NBN: variants seen among roughly 807,000 people sequenced by gnomAD.
The protein encoded by NBN is Nijmegen breakage syndrome 1 (nibrin).
A neutral mutation model predicts 90.8 loss-of-function variants in NBN; 88 were observed. The observed-to-expected ratio is 0.97, with a 90% confidence interval of 0.82 to 1.16. The LOEUF (loss-of-function observed/expected upper bound fraction) is 1.16, where lower values mean the gene tolerates loss of function less well. Among genes scored for constraint, NBN ranks in the 50% most tolerant of loss-of-function variants. The probability of loss-of-function intolerance (pLI) is 0.00; values close to 1 mark genes in which losing one functional copy is unlikely to be tolerated. For synonymous variants in NBN, 328 were observed against 295.1 expected, an observed-to-expected ratio of 1.11 and a Z score of -1.14; for missense variants, 894 against 869.6, an observed-to-expected ratio of 1.03 and a Z score of -0.35.
At chr8:89,944,606 C>G (rs1455309703) in intron 13 of NBN, among the ~76,000 whole-genome samples, 1 of 152,150 alleles carries the variant, frequency 6.6e-6, no homozygotes, top group Non-Finnish European at 1.5e-5. Flanking sequence ...CTTCCTGGTG[C>G]TGGGGCTCTG....
At position 89,953,964 on chromosome 8, in the gene NBN, C is replaced by T. The variant is rs781207952; in HGVS notation, c.1398-273G>A. Among the ~76,000 whole-genome samples, 4 of 152,086 alleles carry T rather than the reference C, an allele frequency of 2.6e-5. No homozygotes were observed. In the East Asian group the frequency reaches 5.8e-4, roughly 22 times the overall value. On this transcript the variant is annotated intron_variant, in intron 10 of 15. Transcript: ENST00000265433. Reference sequence around the variant, plus strand: ...TTAAGTTGCATTAGTTGATAAATTACAGGAAAAGGTAGAAAAATATAAAAA... The same window carrying T: ...TTAAGTTGCATTAGTTGATAAATTATAGGAAAAGGTAGAAAAATATAAAAA...
intron 11 of NBN, among the ~76,000 whole-genome samples, chr8:89,951,173 G>A (rs555754505): frequency 2.6e-5 from 4 of 151,904 alleles, no homozygotes; most frequent in Non-Finnish European, 4.4e-5. Context: ...TTAGCCAGGC[G>A]TGGTGGCGGG....
At chr8:89,978,353 T>C (rs373764513) in intron 4 of NBN, 30 bp from the exon 5 acceptor site, 15 of 1,558,094 alleles carry the variant, frequency 9.6e-6, no homozygotes, top group Admixed American at 3.4e-5. Flanking sequence ...TGAATATATA[T>C]ATTCACATGC....
chr8:89,983,550 C>T (rs892321852), intron 1 of NBN, among the ~76,000 whole-genome samples: 15 of 152,090 alleles, frequency 9.9e-5, no homozygotes, highest in Non-Finnish European at 1.9e-4. Context: ...ACAACACAGA[C>T]CAATGCAACA....
At chr8:89,978,365 A>G (rs777553336) in intron 4 of NBN, 42 bp from the exon 5 acceptor site, 97 of 1,526,174 alleles carry the variant, frequency 6.4e-5, no homozygotes, top group Non-Finnish European at 8.6e-5. Context: ...TTCACATGCT[A>G]GCATTTTTTA....
intron 4 of NBN, among the ~76,000 whole-genome samples, chr8:89,978,778 T>G (rs1289974743): frequency 6.6e-6 from 1 of 152,232 alleles, no homozygotes; most frequent in African/African-American, 2.4e-5. Flanking sequence ...ATTGTAACTA[T>G]GCAATAAAGC....
chr8:89,937,113 G>T (rs1446894021), intron 14 of NBN, 38 bp from the exon 15 acceptor site: 2 of 1,592,220 alleles, frequency 1.3e-6, no homozygotes, highest in South Asian at 2.2e-5. Context: ...TTTGCTCAGT[G>T]GTGAATATAT....
rs587780093 is a variant in NBN at position 89,943,288 on chromosome 8, T to C, written c.2149A>G (p.Thr717Ala). 2.5e-6 allele frequency: 4 copies of C among 1,613,802 alleles called. No homozygotes were observed. The South Asian group carries it at 4.4e-5, about 18-fold the overall frequency. The change falls in exon 14 of 16, where the codon ACA (threonine) becomes GCA (alanine). Residue 717 changes from threonine to alanine, a missense_variant. Physicochemically the swap from Thr to Ala is moderately conservative, Grantham distance 58. Coordinates refer to ENST00000265433, the MANE Select transcript of NBN (RefSeq NM_002485.5). ...TGCCTTAGCCACTCTTCTAGTTCTG[T>C]ATTCTTTCGAGCATGATGAGCTATT... ...DLIAHHARKNTELEEWLRQEM... is the reference protein window; with the variant it reads ...DLIAHHARKNAELEEWLRQEM...
At chr8:89,982,664 A>G (rs1040512574) in intron 2 of NBN, 58 bp downstream of exon 2, 7 of 1,420,474 alleles carry the variant, frequency 4.9e-6, no homozygotes, top group Non-Finnish European at 7.0e-6. Flanking sequence ...AACCAAGAGA[A>G]TATTTTGTGA....
At position 89,953,565 on chromosome 8, in the gene NBN, T is replaced by TA. The variant is rs1586054199; in HGVS notation, c.1523dup (p.Ser509IlefsTer2). The TA allele has an allele frequency of 6.2e-7, 1 of 1,613,856 alleles. No individual in the cohort carries two copies. Among genetic ancestry groups the TA allele is most frequent in the East Asian group, 2.2e-5 (1 of 44,858 alleles). On this transcript the variant is annotated frameshift_variant, in exon 11 of 16. Transcript: ENST00000265433. LOFTEE classifies it high-confidence loss of function. ...TTGTGTCCACAGGCTCATTCTCAGATAGATGCTGCTCCTTATTTTTCCACA... is the reference window on the plus strand; with the variant it reads ...TTGTGTCCACAGGCTCATTCTCAGATAAGATGCTGCTCCTTATTTTTCCACA...
At chr8:89,946,102 C>T (rs2130763310) in intron 13 of NBN, 38 bp downstream of exon 13, 1 of 1,465,162 alleles carries the variant, frequency 6.8e-7, no homozygotes, top group Non-Finnish European at 9.5e-7. Context: ...AAAAACATTT[C>T]AAACACTGAC....
chr8:89,980,069 T>G (rs887101404), intron 4 of NBN, among the ~76,000 whole-genome samples: 1 of 152,216 alleles, frequency 6.6e-6, no homozygotes, highest in African/African-American at 2.4e-5. Flanking sequence ...CACTGCTGAA[T>G]TTATAAAATC....
chr8:89,945,936 C>A (rs1810163309), intron 13 of NBN, among the ~76,000 whole-genome samples: 1 of 152,102 alleles, frequency 6.6e-6, no homozygotes, highest in South Asian at 2.1e-4. Flanking sequence ...AGAATTCAAT[C>A]TTGATGAAAT....
intron 7 of NBN, among the ~76,000 whole-genome samples, chr8:89,969,148 C>T (rs1811385564): frequency 2.6e-5 from 4 of 152,262 alleles, no homozygotes; most frequent in African/African-American, 4.8e-5. Context: ...CTACTTTTTG[C>T]CACATGAAGA....
At chr8:89,948,282 G>A (rs7829246) in intron 11 of NBN, among the ~76,000 whole-genome samples, 50,259 of 152,016 alleles carry the variant, frequency 0.33, 8,386 homozygotes, top group East Asian at 0.45. Flanking sequence ...ATGGTTGTCT[G>A]TAGATGGTAG....
intron 9 of NBN, among the ~76,000 whole-genome samples, chr8:89,957,362 G>A (rs13312917): frequency 2.0e-5 from 3 of 152,134 alleles, no homozygotes; most frequent in East Asian, 3.8e-4. Context: ...AAACCTTATC[G>A]AATAATATGA....
Position 89,953,431 on chromosome 8 carries a change from A to G in NBN, c.1658T>C (p.Met553Thr). ...EKLRSNKKRE[M>T]DDVAIEDEVL... is the part of the protein sequence containing the mutation. Reference sequence around the variant, plus strand: ...TTCATCTTCTATGGCCACATCATCCATTTCCCTTTTTTTATTTGATCTTAG... The same window carrying G: ...TTCATCTTCTATGGCCACATCATCCGTTTCCCTTTTTTTATTTGATCTTAG... The change falls in exon 11 of 16, where the codon ATG becomes ACG. Residue 553 changes from methionine to threonine, a missense_variant. Transcript: ENST00000265433. The G allele has an allele frequency of 6.2e-7, 1 of 1,613,736 alleles. No individual in the cohort carries two copies. The highest frequency in any genetic ancestry group is 8.5e-7 in the Non-Finnish European group (1 of 1,179,852).
chr8:89,943,151 G>T, intron 14 of NBN, 102 bp downstream of exon 14: 2 of 1,213,766 alleles, frequency 1.6e-6, no homozygotes, highest in East Asian at 2.4e-5. Context: ...ATGACTTTAT[G>T]TCACTTATTT....
intron 11 of NBN, among the ~76,000 whole-genome samples, chr8:89,952,560 ACTTAATCCTATC>A (rs144897571): frequency 0.017 from 2,665 of 152,300 alleles, 76 homozygotes; most frequent in African/African-American, 0.059. Context: ...ACTTCCGTTC[ACTTAATCCTATC>A]CTTTCGCCTA....
Sources: allele counts gnomAD v4.1 joint callset (sites outside exome capture counted in the v4.1 genomes callset), GRCh38; gene constraint gnomAD v4.1.1; transcripts MANE v1.5; gene names NCBI Gene and HGNC (gene_info 2026-07-23, HGNC 2026-07-21).